The following ULK4 variants were observed in gnomAD, a reference collection of about 807,000 sequenced individuals.
ULK4 encodes unc-51 like kinase 4.
ULK4 carries 133 observed loss-of-function variants against 160.6 expected under a neutral mutation model. That is an observed-to-expected ratio of 0.83 (90% CI 0.72 to 0.96). The LOEUF is 0.96. Ranked by LOEUF, ULK4 falls within the 40% of genes least tolerant of loss-of-function variation. The probability of loss-of-function intolerance (pLI) is 0.00; values close to 1 mark genes in which losing one functional copy is unlikely to be tolerated. For missense variants in ULK4, 1,580 were observed against 1,499.5 expected (o/e 1.05, Z -0.89); for synonymous variants, 534 against 539.8 (o/e 0.99, Z 0.15).
chr3:41,771,772 AT>A (rs2039388976), intron 21 of ULK4, among the ~76,000 whole-genome samples: 1 of 152,238 alleles, frequency 6.6e-6, no homozygotes, highest in Admixed American at 6.5e-5. Flanking sequence ...GTAAAACATT[AT>A]AGCAACTCAA....
intron 34 of ULK4, among the ~76,000 whole-genome samples, chr3:41,405,821 T>TG (rs369225160): frequency 6.8e-4 from 104 of 152,150 alleles, no homozygotes; most frequent in African/African-American, 2.5e-3. Context: ...TGAGTTTTTT[T>TG]TTTGTTTGTT....
At chr3:41,488,458 C>G (rs1378177199) in intron 32 of ULK4, among the ~76,000 whole-genome samples, 3 of 152,206 alleles carry the variant, frequency 2.0e-5, no homozygotes, top group African/African-American at 4.8e-5. Flanking sequence ...CAGATCATCT[C>G]TGGGAATCAG....
intron 34 of ULK4, among the ~76,000 whole-genome samples, chr3:41,452,209 A>G (rs1163071225): frequency 6.6e-6 from 1 of 152,168 alleles, no homozygotes; most frequent in Non-Finnish European, 1.5e-5. Flanking sequence ...CAGAACCTCC[A>G]GAAAGCTCCC....
intron 32 of ULK4, among the ~76,000 whole-genome samples, chr3:41,563,953 G>T (rs1617833): frequency 6.6e-6 from 1 of 151,968 alleles, no homozygotes; most frequent in African/African-American, 2.4e-5. Context: ...ATGGTTTTTA[G>T]AATTTTCAGC....
rs568406782 is a variant in ULK4 at position 41,574,531 on chromosome 3, CTTTTTTTTTTTTTT to C, written c.3121-8415_3121-8402del. Among the ~76,000 whole-genome samples, 95 of 92,168 alleles carry C rather than the reference CTTTTTTTTTTTTTT, an allele frequency of 1.0e-3. 1 individual carries two copies. Among genetic ancestry groups the C allele is most frequent in the Admixed American group, 4.8e-3 (30 of 6,226 alleles). 60.5% of individuals were successfully genotyped at this position (92,168 alleles called of 152,430 possible). A position where few individuals can be genotyped will look rare whatever the true frequency, so the allele number is the denominator to read the frequency against. ...CCTCCACTACTGCTACCAGAGTCCT[CTTTTTTTTTTTTTT>C]TTTTTTTTTTTTTTGAGACAGAGTC... is the stretch of plus-strand genomic sequence containing the variant. On this transcript the variant is annotated intron_variant, in intron 31 of 36. Coordinates refer to ENST00000301831, the MANE Select transcript of ULK4 (RefSeq NM_017886.4).
At chr3:41,798,113 G>A (rs1335116381) in intron 20 of ULK4, among the ~76,000 whole-genome samples, 1 of 152,002 alleles carries the variant, frequency 6.6e-6, no homozygotes, top group African/African-American at 2.4e-5. Flanking sequence ...AGTCAAACTT[G>A]ATGCATCAGA....
At position 41,918,094 on chromosome 3, in the gene ULK4, T is replaced by C. The variant is rs184723052; in HGVS notation, c.727+363A>G. On this transcript the variant is annotated intron_variant, in intron 7 of 36. Coordinates refer to ENST00000301831, the MANE Select transcript of ULK4 (RefSeq NM_017886.4). Reference sequence around the variant, plus strand: ...TCATCAAGATAAGGAAATGGTGAATTTGTTCCAACAGGAGATAGAAATAAC... The same window carrying C: ...TCATCAAGATAAGGAAATGGTGAATCTGTTCCAACAGGAGATAGAAATAAC... 3.4e-3 allele frequency among the ~76,000 whole-genome samples: 511 copies of C among 152,248 alleles called. 1 individual carries two copies. The highest frequency in any genetic ancestry group is 5.8e-3 in the Non-Finnish European group (394 of 68,004).
intron 32 of ULK4, among the ~76,000 whole-genome samples, chr3:41,532,460 T>C (rs2086352035): frequency 6.6e-6 from 1 of 152,208 alleles, no homozygotes; most frequent in African/African-American, 2.4e-5. Context: ...AACAAACTTA[T>C]CATCTTAATT....
intron 12 of ULK4, among the ~76,000 whole-genome samples, chr3:41,902,653 T>C (rs1433879052): frequency 5.4e-5 from 8 of 148,570 alleles, no homozygotes; most frequent in Non-Finnish European, 1.0e-4. Context: ...AAATCTAAGT[T>C]TAAGAACATG....
intron 35 of ULK4, among the ~76,000 whole-genome samples, chr3:41,282,659 T>C (rs2079381832): frequency 6.6e-6 from 1 of 152,176 alleles, no homozygotes. Flanking sequence ...TCAAGATGGA[T>C]TAAAGACTTA....
At position 41,332,126 on chromosome 3, in the gene ULK4, T is replaced by C. The variant is rs562610479; in HGVS notation, c.3678+65953A>G. On this transcript the variant is annotated intron_variant, in intron 35 of 36. Transcript: ENST00000301831. Reference sequence around the variant, plus strand: ...TTCATGACTCTTTCTTTAGTACCCATTGGAAATCTGAGTGTGGCCACTGTG... The same window carrying C: ...TTCATGACTCTTTCTTTAGTACCCACTGGAAATCTGAGTGTGGCCACTGTG... 1.4e-4 allele frequency among the ~76,000 whole-genome samples: 21 copies of C among 152,178 alleles called. No homozygotes were observed. The East Asian group carries it at 2.7e-3, about 20-fold the overall frequency.
At chr3:41,461,248 T>C (rs970372186) in intron 33 of ULK4, among the ~76,000 whole-genome samples, 11 of 152,214 alleles carry the variant, frequency 7.2e-5, no homozygotes, top group African/African-American at 2.4e-4. Context: ...TCTCAATTCT[T>C]CTACTTTTAA....
intron 35 of ULK4, among the ~76,000 whole-genome samples, chr3:41,279,994 A>T (rs1035128837): frequency 6.6e-6 from 1 of 151,170 alleles, no homozygotes; most frequent in African/African-American, 2.4e-5. Context: ...AAACTAAAAA[A>T]CAGGGGTTGC....
At chr3:41,389,137 A>G (rs2081893368) in intron 35 of ULK4, among the ~76,000 whole-genome samples, 1 of 152,050 alleles carries the variant, frequency 6.6e-6, no homozygotes, top group South Asian at 2.1e-4. Flanking sequence ...CTTTGAAGCA[A>G]TTGTGAATGG....
At chr3:41,881,071 ACAAG>A (rs1361993254) in intron 17 of ULK4, among the ~76,000 whole-genome samples, 1 of 152,180 alleles carries the variant, frequency 6.6e-6, no homozygotes, top group Non-Finnish European at 1.5e-5. Context: ...AAAATTATCT[ACAAG>A]CACCCAATTG....
Position 41,841,167 on chromosome 3 carries a change from C to T in ULK4, c.1657-5196G>A, listed in dbSNP as rs72499004. Among the ~76,000 whole-genome samples, 275 of 146,648 alleles carry T rather than the reference C, an allele frequency of 1.9e-3. 1 individual carries two copies. The highest frequency in any genetic ancestry group is 9.3e-3 in the South Asian group (42 of 4,520). ...ACCCCGTCTGGGATGTCAGCTGCCC[C>T]GACTGGGAGGTGAGGAGCGCCTCTG... On this transcript the variant is annotated intron_variant, in intron 17 of 36. Coordinates refer to ENST00000301831, the MANE Select transcript of ULK4 (RefSeq NM_017886.4).
intron 22 of ULK4, among the ~76,000 whole-genome samples, chr3:41,733,651 ACTT>A (rs1412403480): frequency 1.3e-5 from 2 of 151,174 alleles, no homozygotes; most frequent in African/African-American, 4.9e-5. Flanking sequence ...TCCCAAAAAG[ACTT>A]TTTTAGACAT....
At chr3:41,809,421 A>G (rs1228102577) in intron 19 of ULK4, among the ~76,000 whole-genome samples, 1 of 152,204 alleles carries the variant, frequency 6.6e-6, no homozygotes, top group Non-Finnish European at 1.5e-5. Context: ...GGAAAGATCA[A>G]TCCACAAATG....
intron 20 of ULK4, among the ~76,000 whole-genome samples, chr3:41,798,729 A>C (rs1029281710): frequency 3.3e-5 from 5 of 152,056 alleles, no homozygotes; most frequent in African/African-American, 1.2e-4. Context: ...GGGGATATGC[A>C]GCCAAGATTG....
Sources: allele counts gnomAD v4.1 joint callset (sites outside exome capture counted in the v4.1 genomes callset), GRCh38; gene constraint gnomAD v4.1.1; transcripts MANE v1.5; gene names NCBI Gene and HGNC (gene_info 2026-07-23, HGNC 2026-07-21).